Variants in CCDC167 observed in about 807,000 individuals in gnomAD.
CCDC167 encodes the protein coiled-coil domain-containing protein 167.
Under a neutral mutation model 12.7 loss-of-function variants are expected in CCDC167, and 15 were observed. The ratio of observed to expected loss-of-function variants is 1.18; its 90% CI spans 0.79 to 1.81. CCDC167 has a LOEUF of 1.81. Among genes scored for constraint, CCDC167 ranks in the 40% most tolerant of loss-of-function variants. The pLI, the probability that CCDC167 is intolerant of heterozygous loss-of-function variation, is 0.00. For missense variants in CCDC167, 121 were observed against 120.1 expected (o/e 1.01, Z -0.03); for synonymous variants, 52 against 49.0 (o/e 1.06, Z -0.26).
At chr6:37,488,650 G>A (rs1043949270) in intron 1 of CCDC167, among the ~76,000 whole-genome samples, 1 of 152,238 alleles carries the variant, frequency 6.6e-6, no homozygotes, top group African/African-American at 2.4e-5. Flanking sequence ...TAAGGAGCAT[G>A]GGCTATAATC....
intron 2 of CCDC167, 93 bp from the exon 3 acceptor site, chr6:37,484,955 GT>G: frequency 6.5e-7 from 1 of 1,536,116 alleles, no homozygotes; most frequent in Non-Finnish European, 9.0e-7. Flanking sequence ...CTTGGGTCTT[GT>G]TCGGCGGCAG....
chr6:37,488,963 C>T (rs557698543), intron 1 of CCDC167, among the ~76,000 whole-genome samples: 24 of 151,348 alleles, frequency 1.6e-4, no homozygotes, highest in African/African-American at 5.6e-4. Flanking sequence ...TGTGGCTGGG[C>T]ATGGTGGCTC....
intron 1 of CCDC167, among the ~76,000 whole-genome samples, chr6:37,488,190 A>T (rs1342250088): frequency 6.6e-6 from 1 of 152,086 alleles, no homozygotes; most frequent in Non-Finnish European, 1.5e-5. Context: ...GAGTGGAGAG[A>T]CTCCAGGGGA....
intron 3 of CCDC167, 77 bp downstream of exon 3, chr6:37,484,733 A>G: frequency 6.4e-7 from 1 of 1,553,504 alleles, no homozygotes; most frequent in Non-Finnish European, 8.9e-7. Flanking sequence ...CTGCCTTGTC[A>G]GGCCCCTTGG....
intron 1 of CCDC167, among the ~76,000 whole-genome samples, chr6:37,490,988 C>T (rs138397485): frequency 1.4e-3 from 215 of 152,282 alleles, no homozygotes; most frequent in Non-Finnish European, 2.1e-3. Flanking sequence ...CCCTGGGGTC[C>T]TATATGCCAT....
chr6:37,491,891 G>C (rs112807851), intron 1 of CCDC167, among the ~76,000 whole-genome samples: 48 of 152,224 alleles, frequency 3.2e-4, no homozygotes, highest in African/African-American at 1.1e-3. Context: ...GGGTCACACA[G>C]GCATTAAGTC....
chr6:37,494,822 G>A (rs75392711), intron 1 of CCDC167, among the ~76,000 whole-genome samples: 1 of 22,484 alleles, frequency 4.4e-5, no homozygotes, highest in South Asian at 8.9e-4. Flanking sequence ...TTTTTTTTTT[G>A]AGACGGGGTC....
At chr6:37,484,270 G>C (rs1283638886) in intron 3 of CCDC167, among the ~76,000 whole-genome samples, 4 of 152,196 alleles carry the variant, frequency 2.6e-5, no homozygotes, top group Non-Finnish European at 5.9e-5. Context: ...ATAGACCGTG[G>C]TCCTCCCCAG....
rs1319776511 is a variant in CCDC167 at position 37,483,308 on chromosome 6, A to C, written c.191-19T>G. The C allele has an allele frequency of 6.4e-7, 1 of 1,571,126 alleles. No homozygotes were observed. The highest frequency in any genetic ancestry group is 8.8e-7 in the Non-Finnish European group (1 of 1,141,048). ...TCCTTCTCTGGGAGGAAAGAGGGTGATAGGGATAGGACAGGCAGTTTAGGC... is the reference window on the plus strand; with the variant it reads ...TCCTTCTCTGGGAGGAAAGAGGGTGCTAGGGATAGGACAGGCAGTTTAGGC... On this transcript the variant is annotated intron_variant, in intron 3 of 3. Transcript: ENST00000373408.
intron 2 of CCDC167, 103 bp from the exon 3 acceptor site, chr6:37,484,965 AG>A (rs955022988): frequency 6.5e-5 from 97 of 1,488,846 alleles, no homozygotes; most frequent in East Asian, 4.5e-4. Context: ...GTTCGGCGGC[AG>A]GGGGGGTGTG....
chr6:37,487,117 G>C (rs1761952584), intron 1 of CCDC167, among the ~76,000 whole-genome samples: 1 of 152,122 alleles, frequency 6.6e-6, no homozygotes, highest in Non-Finnish European at 1.5e-5. Flanking sequence ...CCTTCTGTTT[G>C]TGTCCAAACT....
intron 1 of CCDC167, among the ~76,000 whole-genome samples, chr6:37,489,746 C>T (rs141364447): frequency 9.1e-4 from 138 of 152,320 alleles, no homozygotes; most frequent in African/African-American, 3.2e-3. Context: ...AAGTTATACT[C>T]TGAAGGCCAC....
intron 1 of CCDC167, among the ~76,000 whole-genome samples, chr6:37,487,176 C>T (rs1286488702): frequency 1.3e-5 from 2 of 152,136 alleles, no homozygotes; most frequent in South Asian, 2.1e-4. Context: ...ACTGGCAGCC[C>T]GTAGGTCAGG....
intron 3 of CCDC167, 68 bp from the exon 4 acceptor site, chr6:37,483,357 C>A: frequency 9.5e-7 from 1 of 1,050,726 alleles, no homozygotes. Context: ...TCTGCCTCTC[C>A]AACGAGTGGG....
intron 1 of CCDC167, among the ~76,000 whole-genome samples, chr6:37,485,432 G>A (rs927257413): frequency 2.0e-5 from 3 of 152,260 alleles, no homozygotes; most frequent in Non-Finnish European, 2.9e-5. Flanking sequence ...GTAAACAGTA[G>A]TGGGTGTTGC....
At chr6:37,484,158 G>A (rs750875604) in intron 3 of CCDC167, among the ~76,000 whole-genome samples, 7 of 152,212 alleles carry the variant, frequency 4.6e-5, no homozygotes, top group Non-Finnish European at 7.4e-5. Flanking sequence ...TCAGACCAGC[G>A]CTTCTGGGGG....
At chr6:37,484,894 CCCTTTT>C (rs777354086) in intron 2 of CCDC167, 32 bp from the exon 3 acceptor site, 1 of 1,613,976 alleles carries the variant, frequency 6.2e-7, no homozygotes, top group African/African-American at 1.3e-5. Context: ...ATGGACCAAA[CCCTTTT>C]CCTTTTCCCC....
chr6:37,483,332 G>T, intron 3 of CCDC167, 43 bp from the exon 4 acceptor site: 2 of 1,396,510 alleles, frequency 1.4e-6, no homozygotes, highest in Non-Finnish European at 2.0e-6. Context: ...GGCAGTTTAG[G>T]CCCGTCTGTT....
chr6:37,489,163 G>C (rs751370869), intron 1 of CCDC167, among the ~76,000 whole-genome samples: 3 of 152,116 alleles, frequency 2.0e-5, no homozygotes, highest in Admixed American at 6.5e-5. Flanking sequence ...TTGAACCCAG[G>C]GGGTGGAGGC....
Sources: allele counts gnomAD v4.1 joint callset (sites outside exome capture counted in the v4.1 genomes callset), GRCh38; gene constraint gnomAD v4.1.1; transcripts MANE v1.5; gene names NCBI Gene and HGNC (gene_info 2026-07-23, HGNC 2026-07-21).